Variants in MAGEC3 observed in about 807,000 individuals in gnomAD.
The protein encoded by MAGEC3 is MAGE family member C3.
A neutral mutation model predicts 35.3 loss-of-function variants in MAGEC3; 34 were observed. The ratio of observed to expected loss-of-function variants is 0.96; its 90% CI spans 0.73 to 1.28. The LOEUF (loss-of-function observed/expected upper bound fraction) is 1.28. Ranked by LOEUF, MAGEC3 falls within the 50% of genes most tolerant of loss-of-function variation. The pLI is 0.00. For synonymous variants in MAGEC3, 202 were observed against 185.6 expected, an observed-to-expected ratio of 1.09 and a Z score of -0.72; for missense variants, 561 against 483.6, an observed-to-expected ratio of 1.16 and a Z score of -1.50.
At chrX:141,841,879 G>A (rs188919501) in intron 1 of MAGEC3, among the ~76,000 whole-genome samples, 3 of 111,867 alleles carry the variant, frequency 2.7e-5, no homozygotes, top group Admixed American at 1.9e-4. Context: ...TGAAGGACTC[G>A]CAGAACACTC....
At chrX:141,848,593 G>T (rs1243960261) in intron 1 of MAGEC3, among the ~76,000 whole-genome samples, 1 of 110,726 alleles carries the variant, frequency 9.0e-6, no homozygotes, top group Non-Finnish European at 1.9e-5. Context: ...TCTCTACAAG[G>T]AGAACTACAA....
At chrX:141,873,075 A>G (rs756939205) in intron 2 of MAGEC3, among the ~76,000 whole-genome samples, 8 of 112,173 alleles carry the variant, frequency 7.1e-5, no homozygotes, top group African/African-American at 2.6e-4. Context: ...GTCAAGGCAC[A>G]TTTATTTTAG....
chrX:141,891,565 C>T (rs1021696098), intron 4 of MAGEC3, among the ~76,000 whole-genome samples: 2 of 108,603 alleles, frequency 1.8e-5, no homozygotes, highest in African/African-American at 3.3e-5. Flanking sequence ...CAAAGTTCCT[C>T]CAAAATTCAG....
chrX:141,885,979 C>A (rs1402249916), intron 4 of MAGEC3, among the ~76,000 whole-genome samples: 1 of 111,342 alleles, frequency 9.0e-6, no homozygotes, highest in East Asian at 2.8e-4. Context: ...TATGCCAGAT[C>A]TAACAGTGGG....
At position 141,876,022 on chromosome X, in the gene MAGEC3, A is replaced by G. The variant is rs191091687; in HGVS notation, c.259-3153A>G. 4.9e-3 allele frequency among the ~76,000 whole-genome samples: 548 copies of G among 112,405 alleles called. 3 individuals are homozygous for G. The highest frequency in any genetic ancestry group is 0.016 in the African/African-American group (497 of 30,920). On this transcript the variant is annotated intron_variant, in intron 2 of 7. Transcript: ENST00000298296. ...CAGGGAAGTCTCTGGCAAAGCCACAAGTCAGCCTTTTTTGGAATCTCAGGG... is the reference window on the plus strand; with the variant it reads ...CAGGGAAGTCTCTGGCAAAGCCACAGGTCAGCCTTTTTTGGAATCTCAGGG...
intron 6 of MAGEC3, 108 bp downstream of exon 6, chrX:141,895,667 C>T (rs2018085602): frequency 1.5e-6 from 1 of 688,320 alleles, no homozygotes; most frequent in Non-Finnish European, 2.0e-6. Context: ...TCATATCAGC[C>T]CTCGTAGAGC....
At chrX:141,890,416 A>G (rs1054066880) in intron 4 of MAGEC3, among the ~76,000 whole-genome samples, 3 of 110,745 alleles carry the variant, frequency 2.7e-5, no homozygotes, top group Non-Finnish European at 3.8e-5. Context: ...CATGTTGTCC[A>G]GGCTGGTCTC....
chrX:141,864,941 G>T (rs1424570787), intron 1 of MAGEC3, among the ~76,000 whole-genome samples: 3 of 111,871 alleles, frequency 2.7e-5, no homozygotes, highest in Non-Finnish European at 5.6e-5. Flanking sequence ...AAAATATGAT[G>T]CATCTACCTT....
rs2017963640 is a variant in MAGEC3, at chrX:141,881,445, A to G, written c.558A>G (p.Glu186=). ...SEPLFTYTLD[E]KVDKLVQFLL... ...CCTTGTTCACTTATACACTGGATGA[A>G]AAGGTGGACAAGTTGGTGCAGTTTC... The change falls in exon 4 of 8, where the codon GAA becomes GAG. Residue 186 remains glutamate, a synonymous_variant. Transcript: ENST00000298296. 3.3e-6 allele frequency: 4 copies of G among 1,208,021 alleles called. No individual in the cohort carries two copies. In the East Asian group the frequency reaches 1.2e-4, roughly 36 times the overall value.
At chrX:141,860,752 T>C (rs1221387880) in intron 1 of MAGEC3, among the ~76,000 whole-genome samples, 1 of 112,020 alleles carries the variant, frequency 8.9e-6, no homozygotes. Flanking sequence ...ATAGACAAAT[T>C]AAGGCAGACA....
At chrX:141,838,983 TCTCCCTGAAGCAGTG>T (rs2017670048) in intron 1 of MAGEC3, 2 of 389,676 alleles carry the variant, frequency 5.1e-6, no homozygotes, top group Non-Finnish European at 6.5e-6. Context: ...GCGGGAGCTT[TCTCCCTGAAGCAGTG>T]CCATCATACA....
rs2018117775 is a variant in MAGEC3, at chrX:141,897,796, C to G, written c.1896C>G (p.Ser632Arg). Residue 632 changes from serine (S) to arginine (R), a missense_variant, in exon 8 of 8, where the codon AGC (serine) becomes AGG (arginine). By Grantham distance (110) the Ser-to-Arg change is moderately radical. Transcript: ENST00000298296. The stretch of plus-strand genomic sequence containing the variant: ...ATGCTACTGCCATGGCCAGTGCAAG[C>G]CCCAGTGTCATGTCCACCAACTTCT... ...TDDATAMASA[S>R]PSVMSTNFCP... 8.3e-7 allele frequency: 1 copy of G among 1,201,882 alleles called. No homozygotes were observed.
chrX:141,857,745 A>G (rs1327281390), intron 1 of MAGEC3, among the ~76,000 whole-genome samples: 1 of 110,970 alleles, frequency 9.0e-6, no homozygotes, highest in Non-Finnish European at 1.9e-5. Context: ...TGACACCTGA[A>G]ACACGCACCA....
intron 6 of MAGEC3, chrX:141,896,617 C>T (rs1386085209): frequency 8.4e-6 from 10 of 1,196,518 alleles, no homozygotes; most frequent in Non-Finnish European, 1.1e-5. Flanking sequence ...CATCCCTGCT[C>T]ACACGTTTAC....
chrX:141,892,055 G>A (rs1424893352), intron 4 of MAGEC3, among the ~76,000 whole-genome samples: 3 of 110,744 alleles, frequency 2.7e-5, no homozygotes, highest in African/African-American at 9.9e-5. Context: ...CAAGGAGAGA[G>A]GCCTGGAATA....
chrX:141,838,575 C>T, intron 1 of MAGEC3, 137 bp downstream of exon 1: 2 of 1,050,844 alleles, frequency 1.9e-6, no homozygotes, highest in Non-Finnish European at 2.5e-6. Flanking sequence ...TGCTATCTTG[C>T]CCAGCCTTGA....
At chrX:141,857,985 A>T (rs140176668) in intron 1 of MAGEC3, among the ~76,000 whole-genome samples, 2,688 of 111,367 alleles carry the variant, frequency 0.024, 43 homozygotes, top group African/African-American at 0.056. Flanking sequence ...GAATGAATAC[A>T]TGCATAGTAA....
chrX:141,865,439 C>T (rs748697778), intron 1 of MAGEC3, 32 bp from the exon 2 acceptor site: 5 of 1,186,866 alleles, frequency 4.2e-6, no homozygotes, highest in African/African-American at 3.5e-5. Context: ...TTGCCCCAGC[C>T]TAGTCCTGCC....
intron 4 of MAGEC3, 104 bp downstream of exon 4, chrX:141,881,900 G>A: frequency 9.9e-7 from 1 of 1,012,137 alleles, no homozygotes; most frequent in Non-Finnish European, 1.4e-6. Context: ...GTGCCCAGTA[G>A]TGCTCCTCCA....
Sources: gnomAD v4.1 joint callset for allele counts (sites outside exome capture counted in the v4.1 genomes callset) on GRCh38, gnomAD v4.1.1 for gene constraint, MANE v1.5 for transcripts, NCBI Gene and HGNC (gene_info 2026-07-23, HGNC 2026-07-21) for gene names.